Variants in NOL4 observed in about 807,000 individuals in gnomAD.
NOL4 encodes cancer/testis antigen 125.
Under a neutral mutation model 75.9 loss-of-function variants are expected in NOL4, and 17 were observed. The ratio of observed to expected loss-of-function variants is 0.22; its 90% confidence interval spans 0.15 to 0.34. The LOEUF (loss-of-function observed/expected upper bound fraction) is 0.34, where lower values mean the gene tolerates loss of function less well. Among genes scored for constraint, NOL4 ranks in the 10% least tolerant of loss-of-function variants. The pLI is 1.00. For missense variants in NOL4, 614 were observed against 793.5 expected, an observed-to-expected ratio of 0.77 and a Z score of 2.72; for synonymous variants, 292 against 289.9, an observed-to-expected ratio of 1.01 and a Z score of -0.07.
intron 1 of NOL4, chr18:34,222,306 C>G: frequency 7.9e-7 from 1 of 1,271,270 alleles, no homozygotes; most frequent in Non-Finnish European, 9.9e-7. Flanking sequence ...CTTCTAGCTG[C>G]GGCTTTATTT....
intron 1 of NOL4, among the ~76,000 whole-genome samples, chr18:34,173,772 C>T (rs1379728840): frequency 6.6e-6 from 1 of 152,054 alleles, no homozygotes; most frequent in Non-Finnish European, 1.5e-5. Context: ...AAATCTTTGC[C>T]ATGTTCACAG....
At chr18:33,922,192 A>G (rs2067081268) in intron 9 of NOL4, among the ~76,000 whole-genome samples, 1 of 152,196 alleles carries the variant, frequency 6.6e-6, no homozygotes, top group African/African-American at 2.4e-5. Context: ...TACTGTTACA[A>G]TTTTGAGTCA....
intron 5 of NOL4, among the ~76,000 whole-genome samples, chr18:34,062,791 G>T (rs1251945675): frequency 1.3e-5 from 2 of 152,086 alleles, no homozygotes; most frequent in Non-Finnish European, 2.9e-5. Context: ...TATACTAGCA[G>T]ATAGAAAGCC....
intron 2 of NOL4, among the ~76,000 whole-genome samples, chr18:34,119,600 T>A (rs1373187685): frequency 1.3e-5 from 2 of 152,100 alleles, no homozygotes; most frequent in Non-Finnish European, 2.9e-5. Flanking sequence ...TCTAGCCCAG[T>A]CAGGAGTATC....
At position 33,851,508 on chromosome 18, in the gene NOL4, T is replaced by C. The variant is rs190883198; in HGVS notation, c.*1334A>G. 1.3e-5 allele frequency: 2 copies of C among 152,550 alleles called. No individual in the cohort carries two copies. The highest frequency in any genetic ancestry group is 1.3e-4 in the Admixed American group (2 of 15,248). The allele number at this position is 152,550 out of a possible 1,614,324, so 9.4% of individuals were successfully genotyped here. On this transcript the variant is annotated 3_prime_UTR_variant, in exon 11 of 11. Transcript: ENST00000261592. Reference sequence around the variant, plus strand: ...ATTGTCAAAAACTGAATGACATAAATTTTACATGAAATAAGGCAAATTCAG... The same window carrying C: ...ATTGTCAAAAACTGAATGACATAAACTTTACATGAAATAAGGCAAATTCAG...
At chr18:33,865,467 C>A (rs181132782) in intron 10 of NOL4, among the ~76,000 whole-genome samples, 1 of 151,990 alleles carries the variant, frequency 6.6e-6, no homozygotes, top group Non-Finnish European at 1.5e-5. Context: ...ATGGAGCCCA[C>A]TGACACAGAG....
intron 5 of NOL4, among the ~76,000 whole-genome samples, chr18:34,066,476 G>A (rs913288866): frequency 6.6e-6 from 1 of 151,784 alleles, no homozygotes; most frequent in Non-Finnish European, 1.5e-5. Flanking sequence ...ATATTCTGGA[G>A]ATCTGTTACA....
intron 6 of NOL4, among the ~76,000 whole-genome samples, chr18:33,978,412 CTGA>C (rs2071678200): frequency 6.6e-6 from 1 of 152,040 alleles, no homozygotes; most frequent in Non-Finnish European, 1.5e-5. Context: ...CAGGTCTCTA[CTGA>C]TGATACTTTT....
chr18:34,145,288 C>T (rs1010402369), intron 1 of NOL4, among the ~76,000 whole-genome samples: 3 of 151,936 alleles, frequency 2.0e-5, no homozygotes, highest in Middle Eastern at 3.3e-3. Flanking sequence ...ATAGTTATTA[C>T]CTTTTCTAGT....
intron 6 of NOL4, among the ~76,000 whole-genome samples, chr18:34,006,446 C>A (rs2074031845): frequency 6.6e-6 from 1 of 152,046 alleles, no homozygotes; most frequent in South Asian, 2.1e-4. Context: ...ACCCAATCTA[C>A]TAGCAGCAGA....
intron 1 of NOL4, among the ~76,000 whole-genome samples, chr18:34,182,717 T>A (rs1057377661): frequency 6.6e-6 from 1 of 151,668 alleles, no homozygotes; most frequent in African/African-American, 2.4e-5. Context: ...AAGGATTTTT[T>A]TTAAAAAAAT....
At chr18:34,153,902 A>G (rs1281667871) in intron 1 of NOL4, among the ~76,000 whole-genome samples, 1 of 152,138 alleles carries the variant, frequency 6.6e-6, no homozygotes, top group Non-Finnish European at 1.5e-5. Flanking sequence ...AGTGAAAGTA[A>G]CATACAGGAA....
At chr18:33,914,422 T>C (rs1430649311) in intron 9 of NOL4, among the ~76,000 whole-genome samples, 2 of 152,246 alleles carry the variant, frequency 1.3e-5, no homozygotes, top group East Asian at 3.9e-4. Context: ...TAGTAAAGAC[T>C]TTGGTGCTCT....
intron 1 of NOL4, among the ~76,000 whole-genome samples, chr18:34,178,651 T>A (rs2033768253): frequency 6.6e-6 from 1 of 151,670 alleles, no homozygotes; most frequent in South Asian, 2.1e-4. Flanking sequence ...CCATCAAGAA[T>A]ATATGACAAT....
intron 5 of NOL4, among the ~76,000 whole-genome samples, chr18:34,049,567 G>GCAGCAGAGGTTCAGTTTACT (rs1466676428): frequency 2.0e-5 from 3 of 152,008 alleles, no homozygotes; most frequent in African/African-American, 7.2e-5. Context: ...TCCCCTCCCA[G>GCAGCAGAGGTTCAGTTTACT]CAGCAGAGGT....
chr18:34,093,709 T>A, intron 4 of NOL4, 112 bp from the exon 5 acceptor site: 1 of 799,690 alleles, frequency 1.3e-6, no homozygotes, highest in Non-Finnish European at 1.8e-6. Context: ...TTTACAGAAT[T>A]CAGAAAAATA....
chr18:33,863,285 G>T (rs375648394), intron 10 of NOL4, among the ~76,000 whole-genome samples: 15 of 152,056 alleles, frequency 9.9e-5, no homozygotes, highest in Non-Finnish European at 1.3e-4. Context: ...GTAGGGGAAG[G>T]GGGGAGGGAT....
At chr18:34,190,750 C>A (rs548396153) in intron 1 of NOL4, among the ~76,000 whole-genome samples, 1 of 151,466 alleles carries the variant, frequency 6.6e-6, no homozygotes, top group South Asian at 2.1e-4. Context: ...ATATATTTTA[C>A]CAATAATTTA....
At chr18:34,015,842 A>G (rs2074658366) in intron 6 of NOL4, among the ~76,000 whole-genome samples, 1 of 152,116 alleles carries the variant, frequency 6.6e-6, no homozygotes, top group South Asian at 2.1e-4. Flanking sequence ...CGGATTCGTC[A>G]TCCACTTAGG....
Sources: gnomAD v4.1 joint callset for allele counts (sites outside exome capture counted in the v4.1 genomes callset) on GRCh38, gnomAD v4.1.1 for gene constraint, MANE v1.5 for transcripts, NCBI Gene and HGNC (gene_info 2026-07-23, HGNC 2026-07-21) for gene names.